Variants in WDR70 observed in about 807,000 individuals in gnomAD.
The protein encoded by WDR70 is WD repeat domain 70, also known as WD repeat-containing protein 70.
Under a neutral mutation model 88.6 loss-of-function variants are expected in WDR70, and 53 were observed. The ratio of observed to expected loss-of-function variants is 0.60; its 90% CI spans 0.48 to 0.75. The LOEUF (loss-of-function observed/expected upper bound fraction) is 0.75. Ranked by LOEUF, WDR70 falls within the 30% of genes least tolerant of loss-of-function variation. The pLI, the probability that WDR70 is intolerant of heterozygous loss-of-function variation, is 0.00. For missense variants in WDR70, 610 were observed against 823.2 expected, an observed-to-expected ratio of 0.74 and a Z score of 3.17; for synonymous variants, 280 against 270.0, an observed-to-expected ratio of 1.04 and a Z score of -0.36.
chr5:37,487,777 C>T (rs1416285625), intron 8 of WDR70, among the ~76,000 whole-genome samples: 2 of 151,536 alleles, frequency 1.3e-5, no homozygotes, highest in Non-Finnish European at 2.9e-5. Flanking sequence ...AGGTACGTAC[C>T]ACCACACCCG....
At chr5:37,527,955 C>A (rs970039615) in intron 9 of WDR70, among the ~76,000 whole-genome samples, 2 of 152,066 alleles carry the variant, frequency 1.3e-5, no homozygotes, top group Non-Finnish European at 2.9e-5. Context: ...GTTAGAATGC[C>A]GATCATTAAA....
chr5:37,628,451 TTTA>T (rs1480261324), intron 10 of WDR70, among the ~76,000 whole-genome samples: 4 of 152,210 alleles, frequency 2.6e-5, no homozygotes, highest in African/African-American at 9.6e-5. Flanking sequence ...AATTGATCCT[TTTA>T]TTATTATATA....
intron 10 of WDR70, among the ~76,000 whole-genome samples, chr5:37,649,733 CTTTTTTTTTT>C (rs70978834): frequency 1.5e-5 from 1 of 68,738 alleles, no homozygotes; most frequent in African/African-American, 6.4e-5. Context: ...GTTATTACTT[CTTTTTTTTTT>C]TTTTTTTTTT....
intron 9 of WDR70, among the ~76,000 whole-genome samples, chr5:37,545,491 A>G (rs1741958800): frequency 6.6e-6 from 1 of 151,574 alleles, no homozygotes; most frequent in Non-Finnish European, 1.5e-5. Context: ...TGAAGCCATA[A>G]GTGTGCTTTT....
chr5:37,480,964 C>T (rs1739646581), intron 8 of WDR70, among the ~76,000 whole-genome samples: 1 of 152,118 alleles, frequency 6.6e-6, no homozygotes. Context: ...AGAAATTGGC[C>T]AAAGCGAAAG....
At chr5:37,551,309 C>G (rs539988203) in intron 9 of WDR70, among the ~76,000 whole-genome samples, 17 of 150,216 alleles carry the variant, frequency 1.1e-4, no homozygotes, top group South Asian at 2.1e-4. Context: ...TTGTTCCCCC[C>G]CTCCGCAAAA....
chr5:37,750,740 A>G (rs1225196894), intron 17 of WDR70, among the ~76,000 whole-genome samples: 1 of 152,164 alleles, frequency 6.6e-6, no homozygotes, highest in East Asian at 1.9e-4. Context: ...TGTAAGACAT[A>G]ACTTTGCTTC....
intron 7 of WDR70, among the ~76,000 whole-genome samples, chr5:37,468,957 A>G (rs1739245534): frequency 6.6e-6 from 1 of 152,236 alleles, no homozygotes; most frequent in African/African-American, 2.4e-5. Context: ...TCCTCAGGAG[A>G]TCCTGGAACT....
intron 11 of WDR70, among the ~76,000 whole-genome samples, chr5:37,699,252 T>A (rs1747071688): frequency 1.3e-5 from 2 of 151,884 alleles, no homozygotes; most frequent in Admixed American, 1.3e-4. Context: ...CAGTTGATAT[T>A]TGCTCCCTTA....
rs1749374998 is a variant in WDR70 at position 37,407,035 on chromosome 5, GATAACTTTTTCACAATAGGA to G, written c.492+10471_492+10490del. On this transcript the variant is annotated intron_variant, in intron 5 of 17. Coordinates refer to ENST00000265107, the MANE Select transcript of WDR70 (RefSeq NM_018034.4). ...TCAGTTTAAAGTGTTAAATGTGAAAGATAACTTTTTCACAATAGGAATAACAACAAATAATTAGGTGTAGT... is the reference window on the plus strand; with the variant it reads ...TCAGTTTAAAGTGTTAAATGTGAAAGATAACAACAAATAATTAGGTGTAGT... Among the ~76,000 whole-genome samples, 4 of 152,286 alleles carry G rather than the reference GATAACTTTTTCACAATAGGA, an allele frequency of 2.6e-5. No individual in the cohort carries two copies. The South Asian group carries it at 8.3e-4, about 32-fold the overall frequency.
chr5:37,749,667 A>G (rs1394326527), intron 17 of WDR70, among the ~76,000 whole-genome samples: 2 of 152,170 alleles, frequency 1.3e-5, no homozygotes, highest in Non-Finnish European at 1.5e-5. Flanking sequence ...AAAAAGGACT[A>G]TGATGTTTAA....
chr5:37,580,739 G>A (rs1488776770), intron 9 of WDR70, among the ~76,000 whole-genome samples: 2 of 152,264 alleles, frequency 1.3e-5, no homozygotes, highest in Admixed American at 6.5e-5. Flanking sequence ...TTTCCCCTGT[G>A]TAGCCAATAC....
intron 9 of WDR70, among the ~76,000 whole-genome samples, chr5:37,528,049 A>G (rs561178370): frequency 2.0e-5 from 3 of 152,308 alleles, no homozygotes; most frequent in East Asian, 3.9e-4. Flanking sequence ...AACTAGGTCA[A>G]CCATTTTGGA....
intron 5 of WDR70, among the ~76,000 whole-genome samples, chr5:37,404,474 T>C (rs1581253012): frequency 6.6e-6 from 1 of 152,218 alleles, no homozygotes; most frequent in East Asian, 1.9e-4. Context: ...TATGAAAAAA[T>C]ATTTTTTCTA....
At chr5:37,540,534 A>G (rs1741787059) in intron 9 of WDR70, among the ~76,000 whole-genome samples, 1 of 152,074 alleles carries the variant, frequency 6.6e-6, no homozygotes, top group Admixed American at 6.5e-5. Flanking sequence ...GGCGCACACT[A>G]CCATGCCCAG....
chr5:37,479,405 T>C (rs1739587635), intron 7 of WDR70: 1 of 151,612 alleles, frequency 6.6e-6, no homozygotes, highest in African/African-American at 2.4e-5. Flanking sequence ...GTTTTGCTCT[T>C]GTTGCCCAGG....
chr5:37,424,164 A>AC (rs1750045476), intron 5 of WDR70, among the ~76,000 whole-genome samples: 1 of 150,104 alleles, frequency 6.7e-6, no homozygotes, highest in Non-Finnish European at 1.5e-5. Flanking sequence ...AAAAAAAAAA[A>AC]AAAAAAAACA....
At chr5:37,693,660 A>T (rs1746885867) in intron 10 of WDR70, among the ~76,000 whole-genome samples, 1 of 152,240 alleles carries the variant, frequency 6.6e-6, no homozygotes, top group African/African-American at 2.4e-5. Flanking sequence ...CATCTGTAGA[A>T]AGCTGAAACT....
At chr5:37,435,026 A>G (rs956067031) in intron 5 of WDR70, among the ~76,000 whole-genome samples, 1 of 152,214 alleles carries the variant, frequency 6.6e-6, no homozygotes, top group African/African-American at 2.4e-5. Flanking sequence ...AGCTGTGCCA[A>G]TTATATGGGA....
Sources: gnomAD v4.1 joint callset for allele counts (sites outside exome capture counted in the v4.1 genomes callset) on GRCh38, gnomAD v4.1.1 for gene constraint, MANE v1.5 for transcripts, NCBI Gene and HGNC (gene_info 2026-07-23, HGNC 2026-07-21) for gene names.